CUBN: variants seen among roughly 807,000 people sequenced by gnomAD.
The protein encoded by CUBN is 460 kDa receptor.
A neutral mutation model predicts 405.3 loss-of-function variants in CUBN; 282 were observed. The observed-to-expected ratio is 0.70, with a 90% CI of 0.63 to 0.77. The LOEUF (loss-of-function observed/expected upper bound fraction) is 0.77, where lower values mean the gene tolerates loss of function less well. Ranked by LOEUF, CUBN falls within the 30% of genes least tolerant of loss-of-function variation. The pLI is 0.00. For missense variants in CUBN, 4,514 were observed against 4,475.2 expected, an observed-to-expected ratio of 1.01 and a Z score of -0.25; for synonymous variants, 1,684 against 1,617.0, an observed-to-expected ratio of 1.04 and a Z score of -0.99.
intron 62 of CUBN, among the ~76,000 whole-genome samples, chr10:16,838,679 C>G (rs1839250541): frequency 6.6e-6 from 1 of 152,216 alleles, no homozygotes; most frequent in African/African-American, 2.4e-5. Context: ...AAGTCTCACT[C>G]TGTCACCCAG....
chr10:17,013,876 G>T (rs1834254924), intron 28 of CUBN, among the ~76,000 whole-genome samples: 2 of 152,114 alleles, frequency 1.3e-5, no homozygotes, highest in South Asian at 4.1e-4. Flanking sequence ...CAGTATATAG[G>T]TTAAGGTCAG....
At chr10:17,011,162 A>G (rs143689840) in intron 28 of CUBN, among the ~76,000 whole-genome samples, 183 of 152,326 alleles carry the variant, frequency 1.2e-3, no homozygotes, top group East Asian at 4.4e-3. Flanking sequence ...TACATGTTCC[A>G]GGGCTAGATC....
chr10:16,908,429 G>A (rs772247834), intron 48 of CUBN, among the ~76,000 whole-genome samples: 1 of 152,146 alleles, frequency 6.6e-6, no homozygotes, highest in Non-Finnish European at 1.5e-5. Flanking sequence ...ACTGGTGTGA[G>A]CCACAGCACC....
At chr10:16,826,596 A>G (rs942015246) in intron 66 of CUBN, among the ~76,000 whole-genome samples, 2 of 152,246 alleles carry the variant, frequency 1.3e-5, no homozygotes, top group African/African-American at 4.8e-5. Context: ...ACAATTACAC[A>G]TGAAATTATA....
At chr10:16,898,636 C>T (rs1841265225) in intron 54 of CUBN, among the ~76,000 whole-genome samples, 1 of 152,122 alleles carries the variant, frequency 6.6e-6, no homozygotes, top group Admixed American at 6.5e-5. Context: ...GCCCCATTCC[C>T]ATCATTTTTA....
chr10:16,917,071 C>T (rs1231879112), intron 45 of CUBN, among the ~76,000 whole-genome samples: 1 of 152,012 alleles, frequency 6.6e-6, no homozygotes, highest in Non-Finnish European at 1.5e-5. Flanking sequence ...CTTAGCCTCC[C>T]AAAGTGCTAG....
At chr10:16,920,240 A>G (rs1221580159) in intron 43 of CUBN, 103 bp from the exon 44 acceptor site, 35 of 1,157,450 alleles carry the variant, frequency 3.0e-5, no homozygotes, top group Non-Finnish European at 3.6e-5. Flanking sequence ...TTTTGTCTCC[A>G]TTTCCTTTCA....
chr10:16,833,640 AAAG>A (rs1447860007), intron 64 of CUBN, among the ~76,000 whole-genome samples: 1 of 152,174 alleles, frequency 6.6e-6, no homozygotes, highest in Non-Finnish European at 1.5e-5. Flanking sequence ...GGCAGAAAAG[AAAG>A]AAGAAGAAAG....
chr10:16,945,631 G>A (rs112867534), intron 36 of CUBN, among the ~76,000 whole-genome samples: 77 of 152,120 alleles, frequency 5.1e-4, no homozygotes, highest in African/African-American at 1.8e-3. Flanking sequence ...AGCCTGGGAT[G>A]GTGGCATGTG....
In CUBN at chr10:16,963,187, C is replaced by CTTTTTTTTTTTTTTTTTTTTTT; in HGVS notation, c.4696-8640_4696-8639insAAAAAAAAAAAAAAAAAAAAAA. The stretch of plus-strand genomic sequence containing the variant: ...ATACATTTCTTTTTTCTTTTCTTTT[C>CTTTTTTTTTTTTTTTTTTTTTT]TTTTTTTTCTTTTTTTTTTTTTTTT... On this transcript the variant is annotated intron_variant, in intron 31 of 66. Coordinates refer to ENST00000377833, the MANE Select transcript of CUBN (RefSeq NM_001081.4). Among the ~76,000 whole-genome samples the CTTTTTTTTTTTTTTTTTTTTTT allele has an allele frequency of 1.0e-3, 86 of 84,380 alleles. 15 individuals carry two copies. Among genetic ancestry groups the CTTTTTTTTTTTTTTTTTTTTTT allele is most frequent in the Non-Finnish European group, 1.4e-3 (61 of 44,710 alleles). The allele number at this position is 84,380 out of a possible 152,430, so 55.4% of individuals were successfully genotyped here.
intron 10 of CUBN, among the ~76,000 whole-genome samples, chr10:17,107,420 A>C (rs1250675518): frequency 6.6e-6 from 1 of 152,156 alleles, no homozygotes; most frequent in Admixed American, 6.5e-5. Context: ...AACCCTGCTG[A>C]ATAATTTAAA....
intron 31 of CUBN, among the ~76,000 whole-genome samples, chr10:16,977,825 C>T (rs535099133): frequency 1.8e-4 from 27 of 152,312 alleles, no homozygotes; most frequent in African/African-American, 6.3e-4. Context: ...GCATGTTTCC[C>T]TGCCCATAAG....
At chr10:16,860,958 T>C (rs139103842) in intron 59 of CUBN, among the ~76,000 whole-genome samples, 2 of 152,310 alleles carry the variant, frequency 1.3e-5, no homozygotes, top group African/African-American at 4.8e-5. Context: ...CTCAAAACAA[T>C]GACTGGCTCC....
intron 23 of CUBN, among the ~76,000 whole-genome samples, chr10:17,047,194 C>T (rs919048499): frequency 1.3e-5 from 2 of 152,094 alleles, no homozygotes; most frequent in African/African-American, 4.8e-5. Context: ...TCAAGTATTT[C>T]CAATAAAATA....
At chr10:17,129,366 A>G (rs1837269104) in intron 1 of CUBN, 116 bp from the exon 2 acceptor site, 7 of 1,243,988 alleles carry the variant, frequency 5.6e-6, no homozygotes, top group Non-Finnish European at 5.8e-6. Flanking sequence ...CTTTTTGATC[A>G]TCTCAACCCA....
chr10:17,091,383 T>A (rs115479582), intron 14 of CUBN, among the ~76,000 whole-genome samples: 1,851 of 121,678 alleles, frequency 0.015, 36 homozygotes, highest in African/African-American at 0.055. Context: ...GGAACCAAGT[T>A]ATTAATTTGA....
At chr10:17,045,590 G>A (rs117578673) in intron 24 of CUBN, among the ~76,000 whole-genome samples, 3,129 of 151,922 alleles carry the variant, frequency 0.021, 49 homozygotes, top group East Asian at 0.064. Flanking sequence ...AGACTATGTT[G>A]GCCAGGCTGG....
chr10:16,836,257 C>A lies in CUBN; in HGVS notation c.10158G>T (p.Met3386Ile). 6.2e-7 allele frequency: 1 copy of A among 1,614,048 alleles called. No homozygotes were observed. Among genetic ancestry groups the A allele is most frequent in the South Asian group, 1.1e-5 (1 of 91,052 alleles). ...CACCTGCAATCTGATAGGTGAAACT[C>A]ATTCTAGAGTTTCTGTTTACAACTC... ...KSGVVNRNSR[M>I]SFTYQIADCN... is the part of the protein sequence containing the mutation. Residue 3386 changes from methionine (M) to isoleucine (I), a missense_variant, in exon 63 of 67, where the codon ATG (methionine) becomes ATT (isoleucine). By Grantham distance (10) the Met-to-Ile change is conservative. Coordinates refer to ENST00000377833, the MANE Select transcript of CUBN (RefSeq NM_001081.4).
Position 17,047,715 on chromosome 10 carries a change from C to G in CUBN, c.3140-112G>C, listed in dbSNP as rs1041456158. On this transcript the variant is annotated intron_variant, in intron 22 of 66. Coordinates refer to ENST00000377833, the MANE Select transcript of CUBN (RefSeq NM_001081.4). ...GTGCCTATACTTGATTTTCAATAAG[C>G]CATTCTGGAATGTGCAAATAAAGAC... is the stretch of plus-strand genomic sequence containing the variant. 108 of 1,006,060 alleles carry G rather than the reference C, an allele frequency of 1.1e-4. No homozygotes were observed. The African/African-American group carries it at 1.6e-3, about 15-fold the overall frequency. 62.3% of individuals were successfully genotyped at this position (1,006,060 alleles called of 1,614,324 possible).
Sources: gnomAD v4.1 joint callset for allele counts (sites outside exome capture counted in the v4.1 genomes callset) on GRCh38, gnomAD v4.1.1 for gene constraint, MANE v1.5 for transcripts, NCBI Gene and HGNC (gene_info 2026-07-23, HGNC 2026-07-21) for gene names.